The following ERC2 variants were observed in gnomAD, a reference collection of about 807,000 sequenced individuals.
ERC2 encodes ERC protein 2.
Under a neutral mutation model 114.8 loss-of-function variants are expected in ERC2, and 42 were observed. The observed-to-expected ratio is 0.37, with a 90% confidence interval of 0.29 to 0.47. The LOEUF (loss-of-function observed/expected upper bound fraction) is 0.47, where lower values mean the gene tolerates loss of function less well. Ranked by LOEUF, ERC2 falls within the 20% of genes least tolerant of loss-of-function variation. The pLI is 0.99. For missense variants in ERC2, 939 were observed against 1,150.7 expected (o/e 0.82, Z 2.66); for synonymous variants, 454 against 425.5 (o/e 1.07, Z -0.82).
intron 14 of ERC2, among the ~76,000 whole-genome samples, chr3:55,750,350 T>C (rs577518324): frequency 6.6e-5 from 10 of 152,324 alleles, no homozygotes; most frequent in African/African-American, 2.2e-4. Context: ...CAAGAGAAAG[T>C]TTTATTACAC....
At chr3:56,402,809 CTATTTT>C (rs2060570371) in intron 2 of ERC2, among the ~76,000 whole-genome samples, 1 of 152,074 alleles carries the variant, frequency 6.6e-6, no homozygotes, top group Non-Finnish European at 1.5e-5. Context: ...TTTTTCTACT[CTATTTT>C]TAATCTTTTA....
chr3:56,209,228 T>G (rs1027887958), intron 3 of ERC2, among the ~76,000 whole-genome samples: 5 of 152,130 alleles, frequency 3.3e-5, no homozygotes, highest in Non-Finnish European at 7.4e-5. Flanking sequence ...CTTCCTTGTC[T>G]TGAATCTGCA....
chr3:56,404,712 A>AC (rs59913163), intron 2 of ERC2, among the ~76,000 whole-genome samples: 6,737 of 151,866 alleles, frequency 0.044, 372 homozygotes, highest in African/African-American at 0.13. Context: ...ACCCATAAAA[A>AC]TTTTTTTTAA....
chr3:55,941,492 A>G (rs1249763032), intron 13 of ERC2, among the ~76,000 whole-genome samples: 1 of 152,172 alleles, frequency 6.6e-6, no homozygotes, highest in Non-Finnish European at 1.5e-5. Flanking sequence ...CCTTTGCTGC[A>G]ACTACATTAC....
rs1210535166 is a variant in ERC2 at position 56,375,668 on chromosome 3, T to A, written c.657+58683A>T. On this transcript the variant is annotated intron_variant, in intron 2 of 17. Transcript: ENST00000288221. Reference sequence around the variant, plus strand: ...AGAAATACTAGAGGGAGAGAATCATTAAGGGTGCTGTGTTAGGCAGCTTCG... The same window carrying A: ...AGAAATACTAGAGGGAGAGAATCATAAAGGGTGCTGTGTTAGGCAGCTTCG... Among the ~76,000 whole-genome samples, 3 of 152,130 alleles carry A rather than the reference T, an allele frequency of 2.0e-5. No homozygotes were observed. In the South Asian group the frequency reaches 6.2e-4, roughly 32 times the overall value.
chr3:56,240,854 C>T (rs2051276544), intron 3 of ERC2, among the ~76,000 whole-genome samples: 1 of 152,116 alleles, frequency 6.6e-6, no homozygotes. Flanking sequence ...TTCAGGGGTA[C>T]ATGTGCAGGT....
chr3:55,644,516 T>G (rs2060311881), intron 17 of ERC2, among the ~76,000 whole-genome samples: 1 of 152,084 alleles, frequency 6.6e-6, no homozygotes, highest in Non-Finnish European at 1.5e-5. Context: ...CAAGCTCAGT[T>G]CCTCTATTAG....
intron 6 of ERC2, among the ~76,000 whole-genome samples, chr3:56,128,978 C>T (rs1425713874): frequency 6.6e-6 from 1 of 152,142 alleles, no homozygotes; most frequent in African/African-American, 2.4e-5. Flanking sequence ...AAATCATCTA[C>T]GTTTGAAAAT....
intron 17 of ERC2, among the ~76,000 whole-genome samples, chr3:55,662,429 A>G (rs530612831): frequency 3.1e-4 from 47 of 152,350 alleles, no homozygotes; most frequent in African/African-American, 1.1e-3. Flanking sequence ...TGAAACGGAA[A>G]GTTTACCAAG....
chr3:56,170,591 T>TTTTTG (rs543717965), intron 4 of ERC2, among the ~76,000 whole-genome samples: 453 of 22,362 alleles, frequency 0.02, 9 homozygotes, highest in Middle Eastern at 0.05. Context: ...TTCTGTTTTT[T>TTTTTG]TTTTTTTTTT....
intron 14 of ERC2, among the ~76,000 whole-genome samples, chr3:55,749,150 G>A (rs2066501558): frequency 6.6e-6 from 1 of 152,176 alleles, no homozygotes; most frequent in African/African-American, 2.4e-5. Context: ...CCAGAGAAGT[G>A]ACAGAACTCA....
intron 14 of ERC2, among the ~76,000 whole-genome samples, chr3:55,821,094 T>A (rs1358835108): frequency 2.0e-5 from 3 of 152,074 alleles, no homozygotes; most frequent in African/African-American, 7.2e-5. Flanking sequence ...ACCTTCAAAA[T>A]GAGTTTTTCT....
chr3:55,561,465 G>A (rs1486894573), intron 17 of ERC2, among the ~76,000 whole-genome samples: 2 of 152,114 alleles, frequency 1.3e-5, no homozygotes. Flanking sequence ...TCACTCAAAG[G>A]CATTTATGGG....
chr3:56,370,191 T>C (rs1489922900), intron 2 of ERC2, among the ~76,000 whole-genome samples: 1 of 152,152 alleles, frequency 6.6e-6, no homozygotes, highest in African/African-American at 2.4e-5. Flanking sequence ...ATGCAAACAA[T>C]CAGAGCAGTG....
intron 17 of ERC2, among the ~76,000 whole-genome samples, chr3:55,683,036 G>A (rs1382315206): frequency 6.6e-6 from 1 of 152,064 alleles, no homozygotes; most frequent in East Asian, 1.9e-4. Context: ...AATAAAGGGT[G>A]GATTCTCAAT....
intron 17 of ERC2, among the ~76,000 whole-genome samples, chr3:55,668,171 G>C (rs2061427294): frequency 6.6e-6 from 1 of 151,980 alleles, no homozygotes; most frequent in South Asian, 2.1e-4. Context: ...CCATGAGTTA[G>C]CTGGCTCATA....
At chr3:56,366,138 GTAAGA>G (rs2059141254) in intron 2 of ERC2, among the ~76,000 whole-genome samples, 1 of 152,156 alleles carries the variant, frequency 6.6e-6, no homozygotes, top group Admixed American at 6.5e-5. Context: ...AACCAATCAT[GTAAGA>G]TACTCTGCTT....
At chr3:55,819,879 T>C (rs1201016456) in intron 14 of ERC2, among the ~76,000 whole-genome samples, 1 of 152,214 alleles carries the variant, frequency 6.6e-6, no homozygotes, top group Non-Finnish European at 1.5e-5. Flanking sequence ...CTCTCCTTTC[T>C]TGTGGGTACA....
chr3:55,883,585 T>A (rs1156409426), intron 14 of ERC2, among the ~76,000 whole-genome samples: 2 of 150,796 alleles, frequency 1.3e-5, no homozygotes, highest in Non-Finnish European at 2.9e-5. Context: ...CATGTAAAAC[T>A]GGATAAATTG....
Sources: allele counts gnomAD v4.1 joint callset (sites outside exome capture counted in the v4.1 genomes callset), GRCh38; gene constraint gnomAD v4.1.1; transcripts MANE v1.5; gene names NCBI Gene and HGNC (gene_info 2026-07-23, HGNC 2026-07-21).